The following RPS24 variants were observed in gnomAD, a reference collection of about 807,000 sequenced individuals.
The protein encoded by RPS24 is ribosomal protein S24.
For missense variants in RPS24, 100 were observed against 162.5 expected (o/e 0.62, Z 2.09); for synonymous variants, 72 against 55.6 (o/e 1.30, Z -1.31).
At chr10:78,053,825 G>A (rs1326520522) in intron 4 of RPS24, among the ~76,000 whole-genome samples, 1 of 152,180 alleles carries the variant, frequency 6.6e-6, no homozygotes, top group African/African-American at 2.4e-5. Flanking sequence ...ACTCTTTGAG[G>A]GCTGGAAGTG....
rs770993092 is a variant in RPS24, at chr10:78,033,899, A to G, written c.-3A>G. 1.2e-5 allele frequency: 20 copies of G among 1,613,994 alleles called. No individual in the cohort carries two copies. Among genetic ancestry groups the G allele is most frequent in the Non-Finnish European group, 1.5e-5 (18 of 1,180,002 alleles). On this transcript the variant is annotated 5_prime_UTR_variant, in exon 1 of 6. Coordinates refer to ENST00000372360, the MANE Select transcript of RPS24 (RefSeq NM_033022.4). ...CTTGGCTGTCTGAAGATAGATCGCCATCATGGTGAGTCTCCCTGGGCCCGT... is the reference window on the plus strand; with the variant it reads ...CTTGGCTGTCTGAAGATAGATCGCCGTCATGGTGAGTCTCCCTGGGCCCGT...
chr10:78,045,909 C>G (rs931772866), intron 4 of RPS24, among the ~76,000 whole-genome samples: 4 of 151,788 alleles, frequency 2.6e-5, no homozygotes, highest in East Asian at 2.0e-4. Flanking sequence ...GGTGGAGGCA[C>G]GAGAATTGCT....
At chr10:78,037,355 G>T in intron 4 of RPS24, 51 bp downstream of exon 4, 1 of 1,547,494 alleles carries the variant, frequency 6.5e-7, no homozygotes, top group Non-Finnish European at 8.7e-7. Context: ...TAGGTCTTTA[G>T]TTTCTAGGAA....
At chr10:78,048,080 C>T (rs2131991351) in intron 4 of RPS24, among the ~76,000 whole-genome samples, 1 of 152,296 alleles carries the variant, frequency 6.6e-6, no homozygotes, top group African/African-American at 2.4e-5. Flanking sequence ...GAGGAAGAGA[C>T]TGCCTTGTGC....
chr10:78,040,872 G>GA (rs1847977462), downstream of RPS24: 1 of 591,144 alleles, frequency 1.7e-6, no homozygotes, highest in Admixed American at 3.0e-5. Flanking sequence ...GTTCATCTGG[G>GA]AGTCAAGCTT....
At chr10:78,044,492 T>A (rs956187862), downstream of RPS24, among the ~76,000 whole-genome samples, 1 of 152,154 alleles carries the variant, frequency 6.6e-6, no homozygotes. Flanking sequence ...TCAAAAATAG[T>A]CTTCAGGTTG....
At chr10:78,041,562 T>G (rs959376246), downstream of RPS24, among the ~76,000 whole-genome samples, 3 of 152,206 alleles carry the variant, frequency 2.0e-5, no homozygotes, top group African/African-American at 7.2e-5. Flanking sequence ...TGACATTTTT[T>G]GATGAACAGT....
chr10:78,047,122 A>ATT (rs766002899), intron 4 of RPS24, among the ~76,000 whole-genome samples: 5 of 142,734 alleles, frequency 3.5e-5, no homozygotes, highest in African/African-American at 1.3e-4. Flanking sequence ...CGCCTGGCTA[A>ATT]TTTTTTTTTT....
chr10:78,048,132 TAC>T (rs1238512085), intron 4 of RPS24, among the ~76,000 whole-genome samples: 34 of 152,278 alleles, frequency 2.2e-4, no homozygotes, highest in African/African-American at 7.9e-4. Context: ...TAAACCCTGC[TAC>T]ATGACATCCA....
chr10:78,052,873 C>T (rs564721024), intron 4 of RPS24, among the ~76,000 whole-genome samples: 32 of 152,178 alleles, frequency 2.1e-4, no homozygotes, highest in Admixed American at 5.9e-4. Context: ...TGGAGCAAGC[C>T]GGGCGCAGTG....
intron 4 of RPS24, chr10:78,037,821 A>T (rs1847905237): frequency 1.9e-6 from 1 of 521,168 alleles, no homozygotes; most frequent in Non-Finnish European, 3.0e-6. Flanking sequence ...TGCTAGCTGT[A>T]AATAGTTGGA....
intron 4 of RPS24, among the ~76,000 whole-genome samples, chr10:78,049,807 T>C (rs2131992400): frequency 6.6e-6 from 1 of 152,336 alleles, no homozygotes; most frequent in East Asian, 1.9e-4. Context: ...CTGTGTTTTT[T>C]CTGCTCCTCT....
rs1321017432 is a variant in RPS24, at chr10:78,040,056, A to G, written c.391-148A>G. 154 of 750,350 alleles carry G rather than the reference A, an allele frequency of 2.1e-4. No individual in the cohort carries two copies. In the East Asian group the frequency reaches 4.0e-3, roughly 20 times the overall value. The allele number at this position is 750,350 out of a possible 1,614,324, so 46.5% of individuals were successfully genotyped here. A position where few individuals can be genotyped will look rare whatever the true frequency, so the allele number is the denominator to read the frequency against. On this transcript the variant is annotated intron_variant, in intron 4 of 5. Coordinates refer to ENST00000372360, the MANE Select transcript of RPS24 (RefSeq NM_033022.4). ...AGTGAGTCTGGAAGGAGTGCTCTGT[A>G]TACAATTGCAAAGAACAAAATGGTC... is the stretch of plus-strand genomic sequence containing the variant.
intron 3 of RPS24, 163 bp downstream of exon 3, chr10:78,035,883 G>T (rs752620463): frequency 1.5e-6 from 1 of 671,482 alleles, no homozygotes; most frequent in Non-Finnish European, 2.6e-6. Flanking sequence ...GGAGTACGGG[G>T]GTTCAAAATT....
At chr10:78,033,945 C>A (rs1291319220) in intron 1 of RPS24, 41 bp downstream of exon 1, 1 of 1,613,280 alleles carries the variant, frequency 6.2e-7, no homozygotes, top group South Asian at 1.1e-5. Context: ...GCCGCGTATC[C>A]GAGCCATCCG....
chr10:78,051,715 C>T lies in RPS24; in HGVS notation c.391-2816C>T, dbSNP rs188203167. ...AAGGTTCTAATTTCTCCACATCCTT[C>T]CTGACACTTGTTATTATCTGTACTT... On this transcript the variant is annotated intron_variant, in intron 4 of 4. Transcript: ENST00000440692. Among the ~76,000 whole-genome samples, 444 of 152,308 alleles carry T rather than the reference C, an allele frequency of 2.9e-3. 1 individual carries two copies. Among genetic ancestry groups the T allele is most frequent in the African/African-American group, 9.6e-3 (397 of 41,566 alleles).
chr10:78,045,785 A>C (rs1046310172), intron 4 of RPS24, among the ~76,000 whole-genome samples: 1 of 151,624 alleles, frequency 6.6e-6, no homozygotes, highest in African/African-American at 2.4e-5. Context: ...CGGGTGGATC[A>C]CTTGACGTCA....
exon 5 of RPS24, chr10:78,055,452 A>G (rs1848141312): frequency 6.4e-6 from 1 of 156,040 alleles, no homozygotes; most frequent in South Asian, 2.0e-4. Context: ...TACGCAGTAG[A>G]CTAAATAAAT....
chr10:78,041,025 A>G (rs1187424840), downstream of RPS24, among the ~76,000 whole-genome samples: 1 of 151,286 alleles, frequency 6.6e-6, no homozygotes, highest in African/African-American at 2.4e-5. Context: ...TTTTTTCGAG[A>G]CAGGGTCTAG....
Sources: gnomAD v4.1 joint callset for allele counts (sites outside exome capture counted in the v4.1 genomes callset) on GRCh38, gnomAD v4.1.1 for gene constraint, MANE v1.5 for transcripts, NCBI Gene and HGNC (gene_info 2026-07-23, HGNC 2026-07-21) for gene names.